The following SLC25A13 variants were observed in gnomAD, a reference collection of about 807,000 sequenced individuals.
SLC25A13 encodes electrogenic aspartate/glutamate antiporter SLC25A13, mitochondrial.
SLC25A13 carries 70 observed loss-of-function variants against 85.5 expected under a neutral mutation model. That is an observed-to-expected ratio of 0.82 (90% CI 0.68 to 1.00). SLC25A13 has a LOEUF of 1.00. Among genes scored for constraint, SLC25A13 ranks in the 50% least tolerant of loss-of-function variants. SLC25A13 has a pLI of 0.00. For missense variants in SLC25A13, 765 were observed against 819.8 expected (o/e 0.93, Z 0.82); for synonymous variants, 259 against 288.7 (o/e 0.90, Z 1.04).
At chr7:96,243,851 G>A (rs911058403) in intron 3 of SLC25A13, among the ~76,000 whole-genome samples, 1 of 152,156 alleles carries the variant, frequency 6.6e-6, no homozygotes, top group African/African-American at 2.4e-5. Flanking sequence ...AGGGGATGAG[G>A]ATGAGGGAGG....
chr7:96,241,539 G>A (rs1796998915), intron 3 of SLC25A13, among the ~76,000 whole-genome samples: 1 of 152,072 alleles, frequency 6.6e-6, no homozygotes, highest in Non-Finnish European at 1.5e-5. Context: ...AAAATTATTT[G>A]TTTCTTAAAA....
At chr7:96,185,621 T>C (rs1018398231) in intron 9 of SLC25A13, among the ~76,000 whole-genome samples, 3 of 149,354 alleles carry the variant, frequency 2.0e-5, no homozygotes, top group African/African-American at 7.5e-5. Context: ...TCGGGTACGG[T>C]GGCTCATGCC....
chr7:96,159,100 T>C (rs1180131578), intron 13 of SLC25A13, among the ~76,000 whole-genome samples: 1 of 152,156 alleles, frequency 6.6e-6, no homozygotes, highest in Non-Finnish European at 1.5e-5. Context: ...ACAAAGAAGC[T>C]GGCAAAGATG....
At chr7:96,306,791 C>T in intron 1 of SLC25A13, 1 of 1,294,556 alleles carries the variant, frequency 7.7e-7, no homozygotes, top group Admixed American at 1.7e-5. Flanking sequence ...TCCTAGTGCC[C>T]TATCATCTCT....
rs1184961432 is a variant in SLC25A13, at chr7:96,244,961, T to C, written c.213-10044A>G. ...CTGCCTCCATATTGGCAAAAGTATA[T>C]ATATATATATATAGGCTCTCGTAAT... On this transcript the variant is annotated intron_variant, in intron 3 of 17. Transcript: ENST00000265631. Among the ~76,000 whole-genome samples the C allele has an allele frequency of 2.0e-5, 3 of 152,034 alleles. No homozygotes were observed. In the East Asian group the frequency reaches 5.8e-4, roughly 29 times the overall value.
chr7:96,130,477 C>G (rs1463939076), intron 15 of SLC25A13, among the ~76,000 whole-genome samples: 1 of 152,164 alleles, frequency 6.6e-6, no homozygotes, highest in Non-Finnish European at 1.5e-5. Flanking sequence ...CCATTTATAG[C>G]TGAGGAAACC....
intron 4 of SLC25A13, among the ~76,000 whole-genome samples, chr7:96,217,364 C>T (rs2116746556): frequency 6.6e-6 from 1 of 152,304 alleles, no homozygotes; most frequent in Admixed American, 6.5e-5. Flanking sequence ...TAATATGACT[C>T]AGCAATTCCA....
intron 2 of SLC25A13, among the ~76,000 whole-genome samples, chr7:96,289,500 A>G (rs1045681486): frequency 6.6e-6 from 1 of 152,172 alleles, no homozygotes; most frequent in African/African-American, 2.4e-5. Context: ...AAAGAAGCTA[A>G]AAACCTTGAA....
chr7:96,160,077 A>G, intron 13 of SLC25A13, among the ~76,000 whole-genome samples: 1 of 152,238 alleles, frequency 6.6e-6, no homozygotes, highest in Non-Finnish European at 1.5e-5. Context: ...TACTACCAGA[A>G]TAGTTTAATG....
chr7:96,312,768 G>A (rs545250089), intron 1 of SLC25A13, among the ~76,000 whole-genome samples: 57 of 152,312 alleles, frequency 3.7e-4, no homozygotes, highest in South Asian at 1.0e-3. Context: ...GGACAGAATG[G>A]AGAGGAAGGT....
chr7:96,157,349 G>A (rs1215173808), intron 13 of SLC25A13, among the ~76,000 whole-genome samples: 1 of 151,998 alleles, frequency 6.6e-6, no homozygotes, highest in Admixed American at 6.6e-5. Flanking sequence ...CTATCACTGC[G>A]TCTTTCACTC....
intron 13 of SLC25A13, among the ~76,000 whole-genome samples, chr7:96,147,188 C>T (rs1032099367): frequency 3.3e-5 from 5 of 152,146 alleles, no homozygotes; most frequent in Non-Finnish European, 5.9e-5. Flanking sequence ...ATTCTGGCAA[C>T]GATTCAAAAA....
intron 13 of SLC25A13, among the ~76,000 whole-genome samples, chr7:96,156,518 C>T (rs556783217): frequency 2.4e-4 from 36 of 152,046 alleles, no homozygotes; most frequent in African/African-American, 8.0e-4. Flanking sequence ...GTGGCATGAT[C>T]TTAGCTCACT....
chr7:96,279,980 A>T (rs1424241660), intron 2 of SLC25A13, among the ~76,000 whole-genome samples: 1 of 152,170 alleles, frequency 6.6e-6, no homozygotes, highest in Non-Finnish European at 1.5e-5. Flanking sequence ...CTGCAGTACC[A>T]GTTCTGATGA....
At position 96,149,763 on chromosome 7, in the gene SLC25A13, C is replaced by T. The variant is rs143436358; in HGVS notation, c.1312-3067G>A. On this transcript the variant is annotated intron_variant, in intron 13 of 17. Coordinates refer to ENST00000265631, the MANE Select transcript of SLC25A13 (RefSeq NM_014251.3). ...GATGCATGGTGTCTGGGTCTCTCCA[C>T]GACTTGATCACTGAGCAGCACACTG... 1.1e-3 allele frequency among the ~76,000 whole-genome samples: 165 copies of T among 152,094 alleles called. 2 individuals are homozygous for T. The highest frequency in any genetic ancestry group is 7.7e-3 in the East Asian group (40 of 5,162).
chr7:96,273,968 C>A (rs987529366), intron 3 of SLC25A13, among the ~76,000 whole-genome samples: 1 of 152,162 alleles, frequency 6.6e-6, no homozygotes, highest in Non-Finnish European at 1.5e-5. Flanking sequence ...CCAGCCTTTT[C>A]CTGCACCACC....
At chr7:96,187,636 C>T (rs528307176) in intron 9 of SLC25A13, among the ~76,000 whole-genome samples, 1 of 152,252 alleles carries the variant, frequency 6.6e-6, no homozygotes, top group East Asian at 1.9e-4. Context: ...GAGGGACCTA[C>T]CACCACCATT....
chr7:96,170,274 G>C, intron 12 of SLC25A13, 149 bp from the exon 13 acceptor site: 2 of 721,062 alleles, frequency 2.8e-6, no homozygotes, highest in South Asian at 3.3e-5. Flanking sequence ...TCTTAAAATA[G>C]TTTGAGAAGT....
At chr7:96,273,382 C>T (rs1798320070) in intron 3 of SLC25A13, among the ~76,000 whole-genome samples, 1 of 152,104 alleles carries the variant, frequency 6.6e-6, no homozygotes, top group Non-Finnish European at 1.5e-5. Context: ...GAGGTGAACA[C>T]ACCAGATCTG....
Sources: allele counts gnomAD v4.1 joint callset (sites outside exome capture counted in the v4.1 genomes callset), GRCh38; gene constraint gnomAD v4.1.1; transcripts MANE v1.5; gene names NCBI Gene and HGNC (gene_info 2026-07-23, HGNC 2026-07-21).